VCAN: variants seen among roughly 807,000 people sequenced by gnomAD.
VCAN encodes versican core protein.
VCAN carries 44 observed loss-of-function variants against 245.5 expected under a neutral mutation model. The ratio of observed to expected loss-of-function variants is 0.18; its 90% confidence interval spans 0.14 to 0.23. VCAN has a LOEUF of 0.23. VCAN is among the 10% of genes least tolerant of loss of function. The pLI is 1.00. For synonymous variants in VCAN, 1,413 were observed against 1,437.0 expected, an observed-to-expected ratio of 0.98 and a Z score of 0.38; for missense variants, 3,793 against 4,057.9, an observed-to-expected ratio of 0.93 and a Z score of 1.77.
intron 5 of VCAN, among the ~76,000 whole-genome samples, chr5:83,509,104 GGAAGGAAA>G (rs924311875): frequency 3.3e-5 from 5 of 150,010 alleles, no homozygotes; most frequent in African/African-American, 4.9e-5. Context: ...AAGGAAGGAA[GGAAGGAAA>G]GAAAGAAAGA....
chr5:83,522,347 C>T (rs749594048), intron 7 of VCAN, 38 bp downstream of exon 7: 12 of 1,590,538 alleles, frequency 7.5e-6, no homozygotes, highest in Non-Finnish European at 9.4e-6. Context: ...TGAAGGCAAT[C>T]CTCATTTTAT....
chr5:83,580,601 G>A lies in VCAN; in HGVS notation c.*167G>A. The A allele has an allele frequency of 1.0e-6, 1 of 991,912 alleles. No individual in the cohort carries two copies. Among genetic ancestry groups the A allele is most frequent in the Non-Finnish European group, 1.5e-6 (1 of 658,494 alleles). 61.4% of individuals were successfully genotyped at this position (991,912 alleles called of 1,614,324 possible). A position where few individuals can be genotyped will look rare whatever the true frequency, so the allele number is the denominator to read the frequency against. On this transcript the variant is annotated 3_prime_UTR_variant, in exon 15 of 15. Transcript: ENST00000265077. ...CAAAACATTTTAAATGAAAGTATTG[G>A]CATTCAAAAAGACAGCAGACAAAAT...
At chr5:83,536,001 C>A (rs898043646) in intron 7 of VCAN, 8 of 152,134 alleles carry the variant, frequency 5.3e-5, no homozygotes, top group Non-Finnish European at 1.5e-5. Flanking sequence ...ATGATGAGAC[C>A]TCAGAATTTC....
In VCAN at chr5:83,537,017, T is replaced by C. The variant is rs374892359; in HGVS notation, c.4014T>C (p.Ser1338=). 3 of 1,590,148 alleles carry C rather than the reference T, an allele frequency of 1.9e-6. No homozygotes were observed. In the African/African-American group the frequency reaches 4.1e-5, roughly 22 times the overall value. ...CTCTGTTTTTTTCAGGTCGAATGAG[T>C]GATTTGAGTGTAATTGGTCATCCAA... ...EVRENKTGRM[S]DLSVIGHPID... is the part of the protein sequence containing the mutation. The change falls in exon 8 of 15, where the codon AGT becomes AGC. Residue 1338 remains serine (S), a synonymous_variant. Transcript: ENST00000265077.
intron 3 of VCAN, among the ~76,000 whole-genome samples, chr5:83,491,486 T>C (rs78688795): frequency 0.034 from 5,182 of 152,316 alleles, 281 homozygotes; most frequent in African/African-American, 0.12. Context: ...TCTATTTTTA[T>C]GTTGTCTAGG....
chr5:83,542,201 T>C lies in VCAN; in HGVS notation c.9198T>C (p.Ser3066=). ...CACCATTTTCCCTTCTGGAGACTTC[T>C]AATGAAACAGATTTCCTGATTGGCA... ...ATPPFSLLET[S]NETDFLIGIN... is the part of the protein sequence containing the mutation. Residue 3066 remains serine (S), a synonymous_variant, in exon 8 of 15, where the codon TCT becomes TCC. Transcript: ENST00000265077. 1 of 1,614,098 alleles carries C rather than the reference T, an allele frequency of 6.2e-7. No homozygotes were observed. Among genetic ancestry groups the C allele is most frequent in the Non-Finnish European group, 8.5e-7 (1 of 1,179,968 alleles).
Position 83,539,225 on chromosome 5 carries a change from G to A in VCAN, c.6222G>A (p.Glu2074=). The change falls in exon 8 of 15, where the codon GAG becomes GAA. Residue 2074 remains glutamate, a synonymous_variant. Coordinates refer to ENST00000265077, the MANE Select transcript of VCAN (RefSeq NM_004385.5). Reference sequence around the variant, plus strand: ...TGGAAGGTACGAAAGCTCCAGTAGAGAAGGAGGAAGTAAAGGTCAGTGGCA... The same window carrying A: ...TGGAAGGTACGAAAGCTCCAGTAGAAAAGGAGGAAGTAAAGGTCAGTGGCA... The part of the protein sequence containing the change: ...AEVEGTKAPV[E]KEEVKVSGTV... 1.9e-6 allele frequency: 3 copies of A among 1,614,006 alleles called. No homozygotes were observed. Among genetic ancestry groups the A allele is most frequent in the Non-Finnish European group, 2.5e-6 (3 of 1,179,976 alleles).
chr5:83,580,474 A>G lies in VCAN; in HGVS notation c.*40A>G, dbSNP rs1342864410. On this transcript the variant is annotated 3_prime_UTR_variant, in exon 15 of 15. Transcript: ENST00000265077. The stretch of plus-strand genomic sequence containing the variant: ...AACATGTGTTTTCATCATTTCAGCC[A>G]AAGTCCTAACTTCCTGTGCCTTTCC... The G allele has an allele frequency of 1.9e-6, 3 of 1,612,170 alleles. No individual in the cohort carries two copies. The highest frequency in any genetic ancestry group is 1.3e-5 in the African/African-American group (1 of 75,008).
At position 83,538,518 on chromosome 5, in the gene VCAN, G is replaced by C; in HGVS notation, c.5515G>C (p.Glu1839Gln). ...TGTCTTTATGGAGCAGGGCTCTGGA[G>C]AAGCTGCTGCCGACCCAGAAACCAC... ...ASVFMEQGSG[E>Q]AAADPETTTV... is the part of the protein sequence containing the mutation. The change falls in exon 8 of 15, where the codon GAA becomes CAA. Residue 1839 changes from glutamate (E) to glutamine (Q), a missense_variant. Physicochemically the swap from Glu to Gln is conservative, Grantham distance 29. Transcript: ENST00000265077. 1 of 1,614,074 alleles carries C rather than the reference G, an allele frequency of 6.2e-7. No homozygotes were observed.
In VCAN at chr5:83,540,186, A is replaced by G; in HGVS notation, c.7183A>G (p.Thr2395Ala). 2 of 1,614,044 alleles carry G rather than the reference A, an allele frequency of 1.2e-6. No individual in the cohort carries two copies. Among genetic ancestry groups the G allele is most frequent in the Non-Finnish European group, 1.7e-6 (2 of 1,179,988 alleles). Residue 2395 changes from threonine (T) to alanine (A), a missense_variant, in exon 8 of 15, where the codon ACA becomes GCA. By Grantham distance (58) the Thr-to-Ala change is moderately conservative (BLOSUM62 0). Transcript: ENST00000265077. The stretch of plus-strand genomic sequence containing the variant: ...TTCAACAGCAGAAATTAACGAAACA[A>G]CAACCTCATCTACTGATTTTCTGGC... ...NSSTAEINETTTSSTDFLARA... is the reference protein window; with the variant it reads ...NSSTAEINETATSSTDFLARA...
intron 10 of VCAN, among the ~76,000 whole-genome samples, chr5:83,552,566 A>C (rs1005355213): frequency 1.3e-5 from 2 of 152,200 alleles, no homozygotes; most frequent in African/African-American, 4.8e-5. Context: ...TGATACTGCC[A>C]GTGTAAAATT....
At position 83,520,339 on chromosome 5, in the gene VCAN, C is replaced by T; in HGVS notation, c.2033C>T (p.Thr678Ile). 6.2e-7 allele frequency: 1 copy of T among 1,613,054 alleles called. No individual in the cohort carries two copies. Among genetic ancestry groups the T allele is most frequent in the Non-Finnish European group, 8.5e-7 (1 of 1,179,664 alleles). Reference protein sequence around the residue: ...ISTVIYPSLQTEMTHRRERTE... With the variant: ...ISTVIYPSLQIEMTHRRERTE... ...ACAGTTATTTATCCTTCTCTACAAA[C>T]AGAAATGACACATAGAAGAGAAAGA... The change falls in exon 7 of 15, where the codon ACA (threonine) becomes ATA (isoleucine). Residue 678 changes from threonine (T) to isoleucine (I), a missense_variant. Physicochemically the swap from Thr to Ile is moderately conservative, Grantham distance 89. This residue lies in a region of VCAN where 3,182 missense variants were observed against 3,250.3 expected (regional missense o/e 0.98). Transcript: ENST00000265077.
In VCAN at chr5:83,522,232, C is replaced by T. The variant is rs149651541; in HGVS notation, c.3926C>T (p.Thr1309Met). Residue 1309 changes from threonine (T) to methionine (M), a missense_variant, in exon 7 of 15, where the codon ACG becomes ATG. Coordinates refer to ENST00000265077, the MANE Select transcript of VCAN (RefSeq NM_004385.5). Reference protein sequence around the residue: ...KEAFGPQALSTPQPPASTKFH... With the variant: ...KEAFGPQALSMPQPPASTKFH... ...GCCTTTGGACCTCAGGCGCTTTCTACGCCACAGCCCCCAGCAAGCACAAAA... is the reference window on the plus strand; with the variant it reads ...GCCTTTGGACCTCAGGCGCTTTCTATGCCACAGCCCCCAGCAAGCACAAAA... 4.2e-5 allele frequency: 67 copies of T among 1,601,122 alleles called. No individual in the cohort carries two copies. The highest frequency in any genetic ancestry group is 3.7e-4 in the African/African-American group (28 of 74,938).
intron 2 of VCAN, among the ~76,000 whole-genome samples, chr5:83,487,268 C>T (rs1333625776): frequency 1.3e-5 from 2 of 152,076 alleles, no homozygotes; most frequent in East Asian, 3.9e-4. Flanking sequence ...TGTGTGTTTG[C>T]TCAAATTGTG....
At chr5:83,507,203 G>A (rs1158998039) in intron 5 of VCAN, among the ~76,000 whole-genome samples, 1 of 152,176 alleles carries the variant, frequency 6.6e-6, no homozygotes, top group Non-Finnish European at 1.5e-5. Flanking sequence ...CTGCTTTGAT[G>A]AGGCTACTCC....
At chr5:83,568,342 G>T (rs1748161537) in intron 12 of VCAN, among the ~76,000 whole-genome samples, 1 of 152,118 alleles carries the variant, frequency 6.6e-6, no homozygotes, top group Non-Finnish European at 1.5e-5. Flanking sequence ...ATGCCTGTGG[G>T]TATCAGACAT....
At chr5:83,529,612 G>A (rs1746443152) in intron 7 of VCAN, among the ~76,000 whole-genome samples, 1 of 152,002 alleles carries the variant, frequency 6.6e-6, no homozygotes. Context: ...GCTACTGAGG[G>A]ATAACTATAT....
chr5:83,560,273 G>A (rs1307921226), intron 12 of VCAN, among the ~76,000 whole-genome samples: 1 of 152,086 alleles, frequency 6.6e-6, no homozygotes, highest in Non-Finnish European at 1.5e-5. Context: ...TCAAAACTTT[G>A]GAGGAGGATT....
In VCAN at chr5:83,493,641, A is replaced by G. The variant is rs771610957; in HGVS notation, c.541A>G (p.Thr181Ala). 18 of 1,613,764 alleles carry G rather than the reference A, an allele frequency of 1.1e-5. No individual in the cohort carries two copies. The highest frequency in any genetic ancestry group is 1.4e-5 in the Non-Finnish European group (17 of 1,179,988). The change falls in exon 4 of 15, where the codon ACT (threonine) becomes GCT (alanine). Residue 181 changes from threonine (T) to alanine (A), a missense_variant. Coordinates refer to ENST00000265077, the MANE Select transcript of VCAN (RefSeq NM_004385.5). ...ACLDVGAVIA[T>A]PEQLFAAYED... Reference sequence around the variant, plus strand: ...TTTGGACGTTGGGGCAGTCATAGCAACTCCAGAGCAGCTCTTTGCTGCCTA... The same window carrying G: ...TTTGGACGTTGGGGCAGTCATAGCAGCTCCAGAGCAGCTCTTTGCTGCCTA...
Sources: allele counts gnomAD v4.1 joint callset (sites outside exome capture counted in the v4.1 genomes callset), GRCh38; gene constraint gnomAD v4.1.1; regional missense constraint gnomAD v4.1.1; transcripts MANE v1.5; gene names NCBI Gene and HGNC (gene_info 2026-07-23, HGNC 2026-07-21).